The following ZC2HC1A variants were observed in gnomAD, a reference collection of about 807,000 sequenced individuals.
The protein encoded by ZC2HC1A is zinc finger C2HC domain-containing protein 1A.
In ZC2HC1A, 28 loss-of-function variants were observed where a neutral mutation model predicts 40.7. The ratio of observed to expected loss-of-function variants is 0.69; its 90% CI spans 0.51 to 0.94. The LOEUF (loss-of-function observed/expected upper bound fraction) is 0.94. Ranked by LOEUF, ZC2HC1A falls within the 40% of genes least tolerant of loss-of-function variation. The pLI is 0.00. For missense variants in ZC2HC1A, 389 were observed against 386.3 expected (o/e 1.01, Z -0.06); for synonymous variants, 129 against 129.2 (o/e 1.00, Z 0.01).
chr8:78,708,218 C>T lies in ZC2HC1A; in HGVS notation c.705-7003C>T, dbSNP rs528535109. 7.5e-4 allele frequency among the ~76,000 whole-genome samples: 114 copies of T among 152,270 alleles called. 1 individual carries two copies. Among genetic ancestry groups the T allele is most frequent in the Middle Eastern group, 3.4e-3 (1 of 294 alleles). On this transcript the variant is annotated intron_variant, in intron 7 of 8. Coordinates refer to ENST00000263849, the MANE Select transcript of ZC2HC1A (RefSeq NM_016010.3). ...GAGCATTCGCTGAGATTAGTAAATGCTGTTATTTCAGTGGATTGCAATTAT... is the reference window on the plus strand; with the variant it reads ...GAGCATTCGCTGAGATTAGTAAATGTTGTTATTTCAGTGGATTGCAATTAT...
intron 7 of ZC2HC1A, among the ~76,000 whole-genome samples, chr8:78,702,848 T>C (rs1810650470): frequency 6.6e-6 from 1 of 152,188 alleles, no homozygotes; most frequent in African/African-American, 2.4e-5. Context: ...TTCAGTTCTT[T>C]TGCTTTTACT....
chr8:78,683,808 T>C (rs1809866845), intron 3 of ZC2HC1A, among the ~76,000 whole-genome samples: 1 of 152,200 alleles, frequency 6.6e-6, no homozygotes, highest in African/African-American at 2.4e-5. Flanking sequence ...TCCTCTTGAA[T>C]GCTTTGCTCC....
chr8:78,670,587 C>G (rs1809415304), intron 1 of ZC2HC1A, among the ~76,000 whole-genome samples: 1 of 152,010 alleles, frequency 6.6e-6, no homozygotes, highest in South Asian at 2.1e-4. Context: ...GTGGATAATT[C>G]CTAGTATAAA....
chr8:78,698,493 G>A lies in ZC2HC1A; in HGVS notation c.684G>A (p.Gly228=). ...KLQTLSPSHK[G]IAAPHAGANV... is the part of the protein sequence containing the mutation. The stretch of plus-strand genomic sequence containing the variant: ...AGACCTTATCTCCCTCTCATAAAGG[G>A]ATAGCAGCCCCTCATGCAGGGTAAG... The change falls in exon 7 of 9, where the codon GGG becomes GGA. Residue 228 remains glycine (G), a synonymous_variant. Transcript: ENST00000263849. The A allele has an allele frequency of 1.2e-6, 2 of 1,611,178 alleles. No individual in the cohort carries two copies. Among genetic ancestry groups the A allele is most frequent in the Non-Finnish European group, 1.7e-6 (2 of 1,178,086 alleles).
intron 7 of ZC2HC1A, among the ~76,000 whole-genome samples, chr8:78,703,264 G>T (rs999824064): frequency 6.6e-6 from 1 of 152,140 alleles, no homozygotes; most frequent in Non-Finnish European, 1.5e-5. Context: ...TTAGGGTGGA[G>T]AATTCTGTAA....
intron 5 of ZC2HC1A, among the ~76,000 whole-genome samples, chr8:78,693,605 G>T (rs1005790259): frequency 3.8e-4 from 57 of 151,762 alleles, no homozygotes; most frequent in Middle Eastern, 3.4e-3. Context: ...TAAATTTGTT[G>T]GAGTTCATTG....
chr8:78,677,296 T>C (rs1324856658), intron 2 of ZC2HC1A, among the ~76,000 whole-genome samples: 1 of 152,048 alleles, frequency 6.6e-6, no homozygotes, highest in African/African-American at 2.4e-5. Flanking sequence ...TTAAGACAGC[T>C]TCCATTCTAA....
chr8:78,699,839 T>G (rs1810544216), intron 7 of ZC2HC1A, among the ~76,000 whole-genome samples: 2 of 152,210 alleles, frequency 1.3e-5, no homozygotes, highest in South Asian at 4.1e-4. Flanking sequence ...ATGGTGTTTA[T>G]GTACTATATT....
chr8:78,706,621 T>A (rs34099505), intron 7 of ZC2HC1A, among the ~76,000 whole-genome samples: 3 of 152,158 alleles, frequency 2.0e-5, no homozygotes, highest in Admixed American at 6.6e-5. Flanking sequence ...CTTTGTTCTC[T>A]GTGGGTCAAG....
At chr8:78,705,637 C>G (rs1317547936) in intron 7 of ZC2HC1A, among the ~76,000 whole-genome samples, 1 of 152,140 alleles carries the variant, frequency 6.6e-6, no homozygotes, top group African/African-American at 2.4e-5. Flanking sequence ...ACTTCCACCT[C>G]TGGGTCGGCA....
chr8:78,719,224 T>A lies in ZC2HC1A; in HGVS notation c.*1731T>A, dbSNP rs1219998777. ...TTTATCTAATACTGAGCACTGTTTT[T>A]TTGTCAAGTATTTTTTTAAGACCAC... On this transcript the variant is annotated 3_prime_UTR_variant, in exon 9 of 9. Coordinates refer to ENST00000263849, the MANE Select transcript of ZC2HC1A (RefSeq NM_016010.3). 1.1e-5 allele frequency: 1 copy of A among 88,048 alleles called. No individual in the cohort carries two copies. The highest frequency in any genetic ancestry group is 1.4e-4 in the Admixed American group (1 of 7,312). 5.5% of individuals were successfully genotyped at this position (88,048 alleles called of 1,614,324 possible). A position where few individuals can be genotyped will look rare whatever the true frequency, so the allele number is the denominator to read the frequency against.
rs1273770277 is a variant in ZC2HC1A, at chr8:78,675,856, T to A, written c.86T>A (p.Val29Glu). The A allele has an allele frequency of 5.6e-6, 9 of 1,610,840 alleles. No individual in the cohort carries two copies. Among genetic ancestry groups the A allele is most frequent in the Non-Finnish European group, 7.6e-6 (9 of 1,177,836 alleles). ...CKICGRTFFP[V>E]ALKKHGPICQ... The stretch of plus-strand genomic sequence containing the variant: ...ATTTGTGGAAGAACATTCTTTCCAG[T>A]AGCATTAGTGAGTAGACTGATTTTG... The change falls in exon 2 of 9, where the codon GTA (valine) becomes GAA (glutamate). Residue 29 changes from valine to glutamate, a missense_variant. Val to Glu is a moderately radical substitution (Grantham distance 121). Transcript: ENST00000263849.
intron 7 of ZC2HC1A, among the ~76,000 whole-genome samples, chr8:78,703,540 T>TC (rs1810674977): frequency 6.6e-6 from 1 of 151,356 alleles, no homozygotes; most frequent in Admixed American, 6.6e-5. Flanking sequence ...ACCCTTCTTT[T>TC]TTTTTTTTTT....
At chr8:78,681,906 T>C (rs564797499) in intron 3 of ZC2HC1A, among the ~76,000 whole-genome samples, 32 of 150,770 alleles carry the variant, frequency 2.1e-4, no homozygotes, top group Non-Finnish European at 4.0e-4. Flanking sequence ...TCTTTCTTTT[T>C]TTTTTTTTTC....
At chr8:78,674,549 C>T (rs183854286) in intron 1 of ZC2HC1A, among the ~76,000 whole-genome samples, 1 of 152,222 alleles carries the variant, frequency 6.6e-6, no homozygotes, top group Admixed American at 6.5e-5. Context: ...AACTTAGCTC[C>T]TGGTGTTGGA....
chr8:78,675,727 AT>A (rs1189970213), intron 1 of ZC2HC1A, 59 bp from the exon 2 acceptor site: 2 of 1,420,386 alleles, frequency 1.4e-6, no homozygotes, highest in Non-Finnish European at 1.9e-6. Context: ...AAACATTAAA[AT>A]GTGAAGTTTC....
intron 3 of ZC2HC1A, among the ~76,000 whole-genome samples, chr8:78,681,478 C>T (rs1457768497): frequency 6.6e-6 from 1 of 152,036 alleles, no homozygotes; most frequent in Non-Finnish European, 1.5e-5. Flanking sequence ...AATTTGCTGA[C>T]GTTTAAGATT....
intron 2 of ZC2HC1A, among the ~76,000 whole-genome samples, chr8:78,678,205 C>T (rs1294684556): frequency 2.0e-5 from 3 of 152,028 alleles, no homozygotes; most frequent in Non-Finnish European, 2.9e-5. Flanking sequence ...GAATGCAGTC[C>T]AGTAGGTTTC....
chr8:78,713,294 C>T (rs1811004318), intron 7 of ZC2HC1A, among the ~76,000 whole-genome samples: 1 of 151,910 alleles, frequency 6.6e-6, no homozygotes, highest in South Asian at 2.1e-4. Context: ...AAATAAATGA[C>T]AGGTATTTAA....
Sources: allele counts gnomAD v4.1 joint callset (sites outside exome capture counted in the v4.1 genomes callset), GRCh38; gene constraint gnomAD v4.1.1; transcripts MANE v1.5; gene names NCBI Gene and HGNC (gene_info 2026-07-23, HGNC 2026-07-21).